Variants in CAMTA1 observed in about 807,000 individuals in gnomAD.
The protein encoded by CAMTA1 is calmodulin binding transcription activator 1.
In CAMTA1, 27 loss-of-function variants were observed where a neutral mutation model predicts 170.9. The ratio of observed to expected loss-of-function variants is 0.16; its 90% CI spans 0.12 to 0.22. The LOEUF (loss-of-function observed/expected upper bound fraction) is 0.22. Ranked by LOEUF, CAMTA1 falls within the 10% of genes least tolerant of loss-of-function variation. CAMTA1 has a pLI of 1.00. For synonymous variants in CAMTA1, 833 were observed against 891.5 expected (o/e 0.93, Z 1.17); for missense variants, 1,619 against 2,217.2 (o/e 0.73, Z 5.42).
intron 6 of CAMTA1, among the ~76,000 whole-genome samples, chr1:7,520,573 A>G (rs1002362882): frequency 1.3e-5 from 2 of 151,660 alleles, no homozygotes; most frequent in African/African-American, 2.4e-5. Context: ...GGAAGAGCAC[A>G]TGGGCACCCG....
intron 3 of CAMTA1, among the ~76,000 whole-genome samples, chr1:6,984,585 C>G (rs1444836969): frequency 6.6e-6 from 1 of 152,086 alleles, no homozygotes; most frequent in Non-Finnish European, 1.5e-5. Context: ...CTGCACCCTG[C>G]CTGGGTAACA....
chr1:6,997,660 C>CTTTT (rs111887834), intron 3 of CAMTA1, among the ~76,000 whole-genome samples: 44 of 127,620 alleles, frequency 3.4e-4, no homozygotes, highest in South Asian at 7.3e-4. Flanking sequence ...TCTTTTCTTT[C>CTTTT]TTTTTTTTTT....
chr1:7,468,028 G>A (rs1176945967), intron 6 of CAMTA1, 127 bp downstream of exon 6: 4 of 752,568 alleles, frequency 5.3e-6, no homozygotes, highest in Non-Finnish European at 9.1e-6. Flanking sequence ...AGCTTGCCTA[G>A]GGAGACTTCG....
chr1:7,398,812 T>C (rs555065950), intron 5 of CAMTA1, among the ~76,000 whole-genome samples: 12 of 152,110 alleles, frequency 7.9e-5, no homozygotes, highest in African/African-American at 2.9e-4. Flanking sequence ...TCTGCTATAG[T>C]TTTTTCCTTT....
chr1:7,448,901 G>A (rs926802962), intron 5 of CAMTA1, among the ~76,000 whole-genome samples: 1 of 152,246 alleles, frequency 6.6e-6, no homozygotes, highest in African/African-American at 2.4e-5. Context: ...GCGCCCAGCA[G>A]CACTGCCTGC....
intron 5 of CAMTA1, among the ~76,000 whole-genome samples, chr1:7,393,841 A>G (rs1229525973): frequency 6.6e-6 from 1 of 151,914 alleles, no homozygotes. Context: ...TCATTAACCA[A>G]CCCCTCTTCA....
chr1:7,525,617 A>G (rs1240251918), intron 6 of CAMTA1, among the ~76,000 whole-genome samples: 1 of 152,062 alleles, frequency 6.6e-6, no homozygotes, highest in Non-Finnish European at 1.5e-5. Flanking sequence ...GAGGACAGCG[A>G]GGCTCATTTT....
chr1:6,820,042 G>T, intron 1 of CAMTA1, 139 bp from the exon 2 acceptor site: 1 of 645,238 alleles, frequency 1.5e-6, no homozygotes, highest in East Asian at 2.8e-5. Context: ...TCATTTTGTG[G>T]AATGTTCCTT....
intron 11 of CAMTA1, among the ~76,000 whole-genome samples, chr1:7,723,686 A>C (rs2096664016): frequency 6.6e-6 from 1 of 152,190 alleles, no homozygotes; most frequent in Non-Finnish European, 1.5e-5. Flanking sequence ...ATTGTATGTG[A>C]TGAGCAGGGT....
intron 3 of CAMTA1, among the ~76,000 whole-genome samples, chr1:6,988,671 C>T (rs1695788803): frequency 6.6e-6 from 1 of 151,938 alleles, no homozygotes; most frequent in South Asian, 2.1e-4. Context: ...AAATGAGCAT[C>T]ATTCTGTGAA....
chr1:7,306,919 A>G (rs990431763), intron 5 of CAMTA1, among the ~76,000 whole-genome samples: 1 of 151,958 alleles, frequency 6.6e-6, no homozygotes, highest in Non-Finnish European at 1.5e-5. Flanking sequence ...TACATTAGGT[A>G]TTAGGTATTA....
At chr1:7,763,052 AGACAAAC>A (rs2096987599) in intron 22 of CAMTA1, among the ~76,000 whole-genome samples, 1 of 152,212 alleles carries the variant, frequency 6.6e-6, no homozygotes. Flanking sequence ...TTTGGAAGTC[AGACAAAC>A]CTGGACTCAA....
At chr1:7,697,525 G>A (rs2149464472) in intron 11 of CAMTA1, among the ~76,000 whole-genome samples, 1 of 152,282 alleles carries the variant, frequency 6.6e-6, no homozygotes, top group Middle Eastern at 3.4e-3. Context: ...CCCCTTCACA[G>A]CAGAGATGTC....
At chr1:7,434,440 G>A (rs546798253) in intron 5 of CAMTA1, among the ~76,000 whole-genome samples, 5 of 121,670 alleles carry the variant, frequency 4.1e-5, no homozygotes, top group Middle Eastern at 3.9e-3. Context: ...CTGGGGCTTA[G>A]GAGGAAAGCA....
chr1:7,042,584 C>T (rs919306732), intron 3 of CAMTA1, among the ~76,000 whole-genome samples: 1 of 152,224 alleles, frequency 6.6e-6, no homozygotes, highest in Non-Finnish European at 1.5e-5. Flanking sequence ...GCCCTCTAAG[C>T]CTGGCATTGA....
intron 3 of CAMTA1, among the ~76,000 whole-genome samples, chr1:6,853,950 T>G (rs1406585517): frequency 6.6e-6 from 1 of 152,130 alleles, no homozygotes; most frequent in African/African-American, 2.4e-5. Flanking sequence ...CAGACAAATC[T>G]GCAATTCATA....
At chr1:6,828,415 C>T (rs1648145441) in intron 3 of CAMTA1, among the ~76,000 whole-genome samples, 1 of 149,690 alleles carries the variant, frequency 6.7e-6, no homozygotes, top group Non-Finnish European at 1.5e-5. Context: ...CCTCAGTTTC[C>T]CAAGTAGCTG....
At chr1:7,103,656 CAT>C (rs1289717650) in intron 4 of CAMTA1, among the ~76,000 whole-genome samples, 35 of 150,534 alleles carry the variant, frequency 2.3e-4, no homozygotes, top group East Asian at 2.0e-3. Flanking sequence ...CAACACAACA[CAT>C]GTACACGCAA....
chr1:7,112,597 T>G (rs988671388), intron 4 of CAMTA1, among the ~76,000 whole-genome samples: 9 of 152,228 alleles, frequency 5.9e-5, no homozygotes, highest in Non-Finnish European at 8.8e-5. Flanking sequence ...GGATGTTGGC[T>G]ACTTTGGATA....
Sources: gnomAD v4.1 joint callset for allele counts (sites outside exome capture counted in the v4.1 genomes callset) on GRCh38, gnomAD v4.1.1 for gene constraint, MANE v1.5 for transcripts, NCBI Gene and HGNC (gene_info 2026-07-23, HGNC 2026-07-21) for gene names.